MERTK: variants seen among roughly 807,000 people sequenced by gnomAD.
The protein encoded by MERTK is MER proto-oncogene, tyrosine kinase.
Under a neutral mutation model 99.3 loss-of-function variants are expected in MERTK, and 69 were observed. That is an observed-to-expected ratio of 0.70 (90% CI 0.57 to 0.85). The LOEUF (loss-of-function observed/expected upper bound fraction) is 0.85, where lower values mean the gene tolerates loss of function less well. Ranked by LOEUF, MERTK falls within the 40% of genes least tolerant of loss-of-function variation. MERTK has a pLI of 0.00. For missense variants in MERTK, 1,125 were observed against 1,249.4 expected (o/e 0.90, Z 1.50); for synonymous variants, 426 against 467.6 (o/e 0.91, Z 1.15).
At chr2:111,939,755 T>A (rs913954087) in intron 2 of MERTK, among the ~76,000 whole-genome samples, 1 of 148,916 alleles carries the variant, frequency 6.7e-6, no homozygotes, top group Non-Finnish European at 1.5e-5. Flanking sequence ...TCTCTCACCT[T>A]AGCCTCCCAA....
chr2:111,928,215 GCTTT>G (rs1684603054), intron 1 of MERTK, among the ~76,000 whole-genome samples: 1 of 130,918 alleles, frequency 7.6e-6, no homozygotes, highest in African/African-American at 2.9e-5. Flanking sequence ...GCCATGAGCA[GCTTT>G]TTTTTTTTTT....
chr2:111,993,668 T>C (rs1173968276), intron 8 of MERTK, among the ~76,000 whole-genome samples: 5 of 152,276 alleles, frequency 3.3e-5, no homozygotes, highest in South Asian at 2.1e-4. Context: ...TCCCCTTTAT[T>C]TGAATGACAG....
At chr2:112,002,276 C>G (rs1299465633) in intron 11 of MERTK, among the ~76,000 whole-genome samples, 1 of 151,974 alleles carries the variant, frequency 6.6e-6, no homozygotes, top group Non-Finnish European at 1.5e-5. Flanking sequence ...CAATTTAGCC[C>G]TTGCTATGCT....
intron 18 of MERTK, 39 bp from the exon 19 acceptor site, chr2:112,028,312 G>A (rs1677511346): frequency 2.5e-6 from 4 of 1,591,340 alleles, no homozygotes; most frequent in Admixed American, 1.7e-5. Flanking sequence ...AGAGATGGGT[G>A]CCATGCTGGG....
At chr2:111,909,066 C>T (rs571467389) in intron 1 of MERTK, among the ~76,000 whole-genome samples, 51 of 152,278 alleles carry the variant, frequency 3.3e-4, no homozygotes, top group African/African-American at 1.2e-3. Context: ...ACCAAAATTA[C>T]AACCTGGTTT....
chr2:111,917,573 G>A (rs938772809), intron 1 of MERTK, among the ~76,000 whole-genome samples: 3 of 152,072 alleles, frequency 2.0e-5, no homozygotes, highest in Non-Finnish European at 4.4e-5. Flanking sequence ...TCAGAGTTTT[G>A]TCTTGTTTTT....
intron 4 of MERTK, 46 bp from the exon 5 acceptor site, chr2:111,965,145 A>T: frequency 6.5e-7 from 1 of 1,529,680 alleles, no homozygotes; most frequent in African/African-American, 1.4e-5. Context: ...AGTGAACAGC[A>T]GCCTGTTTCT....
chr2:112,028,655 C>G lies in MERTK; in HGVS notation c.2791C>G (p.Leu931Val). The G allele has an allele frequency of 1.9e-6, 3 of 1,614,204 alleles. No individual in the cohort carries two copies. Among genetic ancestry groups the G allele is most frequent in the Non-Finnish European group, 2.5e-6 (3 of 1,180,038 alleles). The change falls in exon 19 of 19, where the codon CTG (leucine) becomes GTG (valine). Residue 931 changes from leucine to valine, a missense_variant. By Grantham distance (32) the Leu-to-Val change is conservative. Transcript: ENST00000295408. ...CAAACCTCATGAAGGACGGTACATC[C>G]TGAATGGGGGCAGTGAGGAATGGGA... ...DSKPHEGRYI[L>V]NGGSEEWEDL...
chr2:111,937,579 C>T (rs569718925), intron 2 of MERTK, among the ~76,000 whole-genome samples: 138 of 152,254 alleles, frequency 9.1e-4, no homozygotes, highest in South Asian at 3.9e-3. Flanking sequence ...CCCATGGGCT[C>T]TCTGTGCTGG....
intron 4 of MERTK, among the ~76,000 whole-genome samples, chr2:111,962,333 C>A (rs753988301): frequency 4.6e-5 from 7 of 152,070 alleles, no homozygotes; most frequent in Non-Finnish European, 1.0e-4. Context: ...CATGGTGATA[C>A]CCCGTCTCTA....
In MERTK at chr2:111,994,254, G is replaced by A. The variant is rs1676689096; in HGVS notation, c.1300G>A (p.Glu434Lys). The A allele has an allele frequency of 6.2e-7, 1 of 1,613,824 alleles. No homozygotes were observed. The highest frequency in any genetic ancestry group is 1.1e-5 in the South Asian group (1 of 91,072). ...CTCTCTTCCTCTCTGTCTCCAGAAAGAGCTCTTGGAGGAAGTTGGCCAGAA... is the reference window on the plus strand; with the variant it reads ...CTCTCTTCCTCTCTGTCTCCAGAAAAAGCTCTTGGAGGAAGTTGGCCAGAA... ...HVWQSAGISK[E>K]LLEEVGQNGS... is the part of the protein sequence containing the mutation. The change falls in exon 9 of 19, where the codon GAG becomes AAG. Residue 434 changes from glutamate to lysine, a missense_variant. By Grantham distance (56) the Glu-to-Lys change is moderately conservative. Coordinates refer to ENST00000295408, the MANE Select transcript of MERTK (RefSeq NM_006343.3).
intron 1 of MERTK, among the ~76,000 whole-genome samples, chr2:111,902,052 A>AT (rs746479067): frequency 1.3e-5 from 2 of 151,922 alleles, no homozygotes; most frequent in African/African-American, 2.4e-5. Context: ...CGCCTGGCTA[A>AT]TTTTGTATTT....
At chr2:112,027,007 G>A (rs978650360) in intron 18 of MERTK, among the ~76,000 whole-genome samples, 3 of 152,094 alleles carry the variant, frequency 2.0e-5, no homozygotes, top group Non-Finnish European at 4.4e-5. Context: ...ATGAAATGAT[G>A]CCTAGGCATG....
chr2:111,936,833 AAAG>A (rs1361863264), intron 2 of MERTK, among the ~76,000 whole-genome samples: 1 of 152,148 alleles, frequency 6.6e-6, no homozygotes, highest in African/African-American at 2.4e-5. Context: ...TGGAGTCTCC[AAAG>A]AAGGGTGTAA....
intron 7 of MERTK, among the ~76,000 whole-genome samples, chr2:111,979,802 A>T (rs1676331573): frequency 6.6e-6 from 1 of 151,566 alleles, no homozygotes; most frequent in Non-Finnish European, 1.5e-5. Flanking sequence ...TCTTTTCTGG[A>T]TATCTCAATT....
At chr2:111,900,416 C>T (rs1385061313) in intron 1 of MERTK, among the ~76,000 whole-genome samples, 1 of 152,194 alleles carries the variant, frequency 6.6e-6, no homozygotes, top group African/African-American at 2.4e-5. Context: ...CTGCCAGCCC[C>T]ATTTTTCATA....
chr2:111,951,520 CCCATAT>C (rs1685053694), intron 4 of MERTK, among the ~76,000 whole-genome samples: 1 of 24,986 alleles, frequency 4.0e-5, no homozygotes, highest in African/African-American at 1.5e-4. Flanking sequence ...GAATAATATT[CCCATAT>C]ATATATATAT....
At chr2:111,941,353 C>T (rs1684862663) in intron 2 of MERTK, among the ~76,000 whole-genome samples, 1 of 152,148 alleles carries the variant, frequency 6.6e-6, no homozygotes, top group Non-Finnish European at 1.5e-5. Context: ...TGTAACGTTC[C>T]CTGATGAAGC....
chr2:112,018,074 A>G (rs541999272), intron 15 of MERTK, among the ~76,000 whole-genome samples: 6 of 152,174 alleles, frequency 3.9e-5, no homozygotes, highest in Admixed American at 2.6e-4. Context: ...CTCCTACACA[A>G]GAAGAAGGAG....
Sources: gnomAD v4.1 joint callset for allele counts (sites outside exome capture counted in the v4.1 genomes callset) on GRCh38, gnomAD v4.1.1 for gene constraint, MANE v1.5 for transcripts, NCBI Gene and HGNC (gene_info 2026-07-23, HGNC 2026-07-21) for gene names.